SHBG: variants seen among roughly 807,000 people sequenced by gnomAD.
SHBG encodes sex hormone binding globulin, also known as sex hormone-binding globulin.
SHBG carries 37 observed loss-of-function variants against 41.9 expected under a neutral mutation model. The observed-to-expected ratio is 0.88, with a 90% CI of 0.68 to 1.16. The LOEUF is 1.16. Among genes scored for constraint, SHBG ranks in the 50% most tolerant of loss-of-function variants. The probability of loss-of-function intolerance (pLI) is 0.00; values close to 1 mark genes in which losing one functional copy is unlikely to be tolerated. For missense variants in SHBG, 466 were observed against 499.9 expected (o/e 0.93, Z 0.65); for synonymous variants, 217 against 205.8 (o/e 1.05, Z -0.47).
In SHBG at chr17:7,631,298, C is replaced by T. The variant is rs1330240433; in HGVS notation, c.492C>T (p.Arg164=). Residue 164 remains arginine, a synonymous_variant, in exon 4 of 8, where the codon CGC becomes CGT. Transcript: ENST00000380450. ...TCTCTGGGCCCCTGACCAGCAAACG[C>T]CATCCCATCATGAGGATTGCGCTTG... is the stretch of plus-strand genomic sequence containing the variant. ...RQVSGPLTSK[R]HPIMRIALGG... is the part of the protein sequence containing the mutation. 2.5e-6 allele frequency: 4 copies of T among 1,613,916 alleles called. No homozygotes were observed. The highest frequency in any genetic ancestry group is 3.4e-6 in the Non-Finnish European group (4 of 1,179,934).
rs149294577 is a variant in SHBG at position 7,630,433 on chromosome 17, G to A, written c.129G>A (p.Pro43=). 4.3e-5 allele frequency: 70 copies of A among 1,613,872 alleles called. No homozygotes were observed. The highest frequency in any genetic ancestry group is 1.0e-4 in the Admixed American group (6 of 59,986). Residue 43 remains proline (P), a synonymous_variant, in exon 2 of 8, where the codon CCG becomes CCA. Coordinates refer to ENST00000380450, the MANE Select transcript of SHBG (RefSeq NM_001040.5). The surrounding 1 kb of genome is among the most constrained non-coding windows in gnomAD (Gnocchi z 4.6). ...TCTGATAGAGTGCCCACGACCCTCC[G>A]GCTGTCCACCTCAGCAATGGCCCAG... is the stretch of plus-strand genomic sequence containing the variant. ...VLPTQSAHDP[P]AVHLSNGPGQ...
chr17:7,620,856 C>T (rs2072079899), intron 1 of SHBG, among the ~76,000 whole-genome samples: 1 of 151,924 alleles, frequency 6.6e-6, no homozygotes, highest in Non-Finnish European at 1.5e-5. Flanking sequence ...GTCGCGAACT[C>T]CTGACCTCAG....
chr17:7,620,126 A>AC lies in SHBG; in HGVS notation c.-62+6015_-62+6016insC, dbSNP rs1376234962. Among the ~76,000 whole-genome samples, 5 of 151,984 alleles carry AC rather than the reference A, an allele frequency of 3.3e-5. No individual in the cohort carries two copies. In the South Asian group the frequency reaches 1.0e-3, roughly 32 times the overall value. On this transcript the variant is annotated intron_variant, in intron 1 of 5. Transcript: ENST00000570547. ...AAGACTCCTTATCCCTCTCCAAAAA[A>AC]AAAAAAAAATTGAAAAAATTGAAAA...
At chr17:7,619,482 C>T (rs982474234) in intron 1 of SHBG, among the ~76,000 whole-genome samples, 1 of 148,570 alleles carries the variant, frequency 6.7e-6, no homozygotes, top group Non-Finnish European at 1.5e-5. Context: ...TCAAGATAGG[C>T]GGATCATGAG....
upstream of SHBG, among the ~76,000 whole-genome samples, chr17:7,624,806 T>C (rs1424180140): frequency 2.0e-5 from 3 of 149,582 alleles, no homozygotes; most frequent in Non-Finnish European, 3.0e-5. Context: ...AGCATGCCAT[T>C]GCGTGCTGGC....
At chr17:7,615,266 A>G (rs1446422030) in intron 1 of SHBG, among the ~76,000 whole-genome samples, 1 of 152,106 alleles carries the variant, frequency 6.6e-6, no homozygotes, top group Admixed American at 6.6e-5. Flanking sequence ...TGGACAAGTT[A>G]GGGATGGGCA....
In SHBG at chr17:7,631,371, C is replaced by A. The variant is rs995539565; in HGVS notation, c.555+10C>A. 2 of 1,611,614 alleles carry A rather than the reference C, an allele frequency of 1.2e-6. No individual in the cohort carries two copies. Among genetic ancestry groups the A allele is most frequent in the Non-Finnish European group, 1.7e-6 (2 of 1,179,130 alleles). ...CAACCTTCGGTTGCCGGTAACTACACCCCAGGGGTGGAACCCTAGCCAAGA... is the reference window on the plus strand; with the variant it reads ...CAACCTTCGGTTGCCGGTAACTACAACCCAGGGGTGGAACCCTAGCCAAGA... On this transcript the variant is annotated intron_variant, in intron 4 of 7. Transcript: ENST00000380450.
chr17:7,626,366 G>A, upstream of SHBG: 1 of 1,508,720 alleles, frequency 6.6e-7, no homozygotes, highest in Non-Finnish European at 9.1e-7. Flanking sequence ...CAGCATCAGT[G>A]TCTGTGGACG....
upstream of SHBG, chr17:7,629,962 ACT>A (rs1235138480): frequency 6.3e-6 from 4 of 630,212 alleles, no homozygotes; most frequent in Non-Finnish European, 1.2e-5. Flanking sequence ...AGTGGAGGGG[ACT>A]CTGTCCTTCA....
At chr17:7,622,129 G>A (rs1022169439) in intron 1 of SHBG, among the ~76,000 whole-genome samples, 8 of 151,206 alleles carry the variant, frequency 5.3e-5, no homozygotes, top group Admixed American at 1.3e-4. Flanking sequence ...ACAGGTGTGA[G>A]CCACTACGCC....
upstream of SHBG, among the ~76,000 whole-genome samples, chr17:7,625,094 C>T (rs946403675): frequency 3.3e-5 from 5 of 151,552 alleles, no homozygotes; most frequent in Non-Finnish European, 5.9e-5. Context: ...GGATTACAGG[C>T]GCCTGCCACC....
At chr17:7,615,375 A>G (rs2071954933) in intron 1 of SHBG, among the ~76,000 whole-genome samples, 1 of 151,770 alleles carries the variant, frequency 6.6e-6, no homozygotes, top group South Asian at 2.1e-4. Context: ...GCCGCAAGGA[A>G]AAAGGTGCTT....
chr17:7,630,762 T>C lies in SHBG; in HGVS notation c.286T>C (p.Phe96Leu), dbSNP rs1237669433. 3 of 1,613,850 alleles carry C rather than the reference T, an allele frequency of 1.9e-6. No homozygotes were observed. Among genetic ancestry groups the C allele is most frequent in the Non-Finnish European group, 2.5e-6 (3 of 1,179,942 alleles). ...GGATACCAACCCTAAGGATGACTGG[T>C]TTATGCTGGGACTTCGAGACGGCAG... ...YGDTNPKDDW[F>L]MLGLRDGRPE... The change falls in exon 3 of 8, where the codon TTT becomes CTT. Residue 96 changes from phenylalanine (F) to leucine (L), a missense_variant. Coordinates refer to ENST00000380450, the MANE Select transcript of SHBG (RefSeq NM_001040.5). The surrounding 1 kb of genome is among the most constrained non-coding windows in gnomAD (Gnocchi z 4.6).
At chr17:7,614,621 G>A (rs1480469280) in intron 1 of SHBG, 1 of 733,970 alleles carries the variant, frequency 1.4e-6, no homozygotes, top group South Asian at 5.8e-5. Context: ...TCTCCCCGGA[G>A]GAGGAGCCGG....
Position 7,630,325 on chromosome 17 carries a change from C to T in SHBG, c.111+42C>T. Reference sequence around the variant, plus strand: ...GGGCACTCAGCTCATGCAGTCTTCCCTTCTCTCCTCTGGCCCTGTAGCAGG... The same window carrying T: ...GGGCACTCAGCTCATGCAGTCTTCCTTTCTCTCCTCTGGCCCTGTAGCAGG... On this transcript the variant is annotated intron_variant, in intron 1 of 7. Transcript: ENST00000380450. This position sits in a 1 kb window ranked among gnomAD's most constrained non-coding sequence, Gnocchi z 4.6. 1.9e-6 allele frequency: 3 copies of T among 1,591,308 alleles called. No individual in the cohort carries two copies. Among genetic ancestry groups the T allele is most frequent in the Non-Finnish European group, 2.6e-6 (3 of 1,159,542 alleles).
rs6259 is a variant in SHBG, at chr17:7,633,209, G to A, written c.1066G>A (p.Asp356Asn). Residue 356 changes from aspartate (D) to asparagine (N), a missense_variant, in exon 8 of 8, where the codon GAC becomes AAC. Physicochemically the swap from Asp to Asn is conservative, Grantham distance 23. Transcript: ENST00000380450. ...TTTGCACTACCTCCCTCTAGGAGAA[G>A]ACTCTTCCACCTCTTTTTGCCTGAA... ...RLFLGALPGE[D>N]SSTSFCLNGL... 0.11 allele frequency: 173,456 copies of A among 1,613,714 alleles called. 10,370 individuals carry two copies. Among genetic ancestry groups the A allele is most frequent in the Non-Finnish European group, 0.12 (143,299 of 1,179,650 alleles).
chr17:7,624,005 G>A (rs537645940), upstream of SHBG, among the ~76,000 whole-genome samples: 145 of 152,326 alleles, frequency 9.5e-4, 1 homozygote, highest in Non-Finnish European at 1.8e-3. Flanking sequence ...CGCCCAGAGT[G>A]CAGTAGTGCA....
chr17:7,626,194 A>C, upstream of SHBG: 5 of 354,792 alleles, frequency 1.4e-5, no homozygotes, highest in South Asian at 4.2e-5. Flanking sequence ...TGTCTCAAAA[A>C]AAAAAAAAAA....
In SHBG at chr17:7,630,572, CT is replaced by C; in HGVS notation, c.203+69del. ...CTGCCCTCTCTCCATCAGCTCTTCT[CT>C]TTTCCCTGTCTTCCTTTCCTTATCT... On this transcript the variant is annotated intron_variant, in intron 2 of 7. Coordinates refer to ENST00000380450, the MANE Select transcript of SHBG (RefSeq NM_001040.5). This position sits in a 1 kb window ranked among gnomAD's most constrained non-coding sequence, Gnocchi z 4.6. 1.3e-6 allele frequency: 2 copies of C among 1,554,660 alleles called. No homozygotes were observed. The highest frequency in any genetic ancestry group is 1.8e-6 in the Non-Finnish European group (2 of 1,126,456).
Sources: allele counts gnomAD v4.1 joint callset (sites outside exome capture counted in the v4.1 genomes callset), GRCh38; gene constraint gnomAD v4.1.1; non-coding constraint Gnocchi (gnomAD v3.1); transcripts MANE v1.5; gene names NCBI Gene and HGNC (gene_info 2026-07-23, HGNC 2026-07-21).